H6PD: variants seen among roughly 807,000 people sequenced by gnomAD.
H6PD encodes hexose-6-phosphate dehydrogenase/glucose 1-dehydrogenase.
In H6PD, 48 loss-of-function variants were observed where a neutral mutation model predicts 61.2. The ratio of observed to expected loss-of-function variants is 0.78; its 90% confidence interval spans 0.62 to 1.00. H6PD has a LOEUF of 1.00. H6PD is among the 50% of genes least tolerant of loss of function. The pLI, the probability that H6PD is intolerant of heterozygous loss-of-function variation, is 0.00. For synonymous variants in H6PD, 480 were observed against 457.9 expected (o/e 1.05, Z -0.62); for missense variants, 1,093 against 1,065.0 (o/e 1.03, Z -0.37).
Position 9,264,255 on chromosome 1 carries a change from G to C in H6PD, c.1762G>C (p.Ala588Pro), listed in dbSNP as rs1638464843. ...GCGGCGCTTTGGCCAGTTCCACCTG[G>C]CACTGTCGGGGGGCTCGAGCCCCGT... Reference protein sequence around the residue: ...AVRRFGQFHLALSGGSSPVAL... With the variant: ...AVRRFGQFHLPLSGGSSPVAL... Residue 588 changes from alanine (A) to proline (P), a missense_variant, in exon 5 of 5, where the codon GCA (alanine) becomes CCA (proline). Physicochemically the swap from Ala to Pro is conservative, Grantham distance 27. Transcript: ENST00000377403. 2 of 1,609,682 alleles carry C rather than the reference G, an allele frequency of 1.2e-6. No individual in the cohort carries two copies. Among genetic ancestry groups the C allele is most frequent in the Non-Finnish European group, 1.7e-6 (2 of 1,179,162 alleles).
intron 3 of H6PD, among the ~76,000 whole-genome samples, chr1:9,249,687 G>T (rs732950): frequency 0.46 from 70,200 of 152,100 alleles, 17,031 homozygotes; most frequent in African/African-American, 0.62. Flanking sequence ...GAGGCTTGCA[G>T]CCTGTCGCGG....
In H6PD at chr1:9,266,945, C is replaced by T. The variant is rs989492185; in HGVS notation, c.*2076C>T. ...AGGCAATTCTCGTGCCTAAGCCTCC[C>T]GAGTAGCTGCGACTACAGGCGCCGG... On this transcript the variant is annotated 3_prime_UTR_variant, in exon 5 of 5. Coordinates refer to ENST00000377403, the MANE Select transcript of H6PD (RefSeq NM_004285.4). The T allele has an allele frequency of 3.9e-5, 6 of 152,226 alleles. No homozygotes were observed. The highest frequency in any genetic ancestry group is 7.2e-5 in the African/African-American group (3 of 41,424). The allele number at this position is 152,226 out of a possible 1,614,324, so 9.4% of individuals were successfully genotyped here.
intron 3 of H6PD, among the ~76,000 whole-genome samples, chr1:9,249,470 G>A (rs1026765060): frequency 6.6e-6 from 1 of 152,214 alleles, no homozygotes; most frequent in Non-Finnish European, 1.5e-5. Flanking sequence ...CAAGGTCCAG[G>A]AGGGAGAGGC....
At chr1:9,243,479 C>T (rs1228201225) in intron 1 of H6PD, among the ~76,000 whole-genome samples, 1 of 152,178 alleles carries the variant, frequency 6.6e-6, no homozygotes, top group African/African-American at 2.4e-5. Flanking sequence ...CCATTTCCAC[C>T]GTGGATTTCT....
At position 9,234,777 on chromosome 1, in the gene H6PD, C is replaced by T. The variant is rs1229151240; in HGVS notation, c.-300C>T. On this transcript the variant is annotated 5_prime_UTR_variant, in exon 1 of 5. Coordinates refer to ENST00000377403, the MANE Select transcript of H6PD (RefSeq NM_004285.4). ...GCGCGCCCCCGGCCCGGGCCCCAGTCTTGCTGAGCGCAAGGCGGTGGAGGC... is the reference window on the plus strand; with the variant it reads ...GCGCGCCCCCGGCCCGGGCCCCAGTTTTGCTGAGCGCAAGGCGGTGGAGGC... The T allele has an allele frequency of 2.1e-5, 3 of 145,812 alleles. No individual in the cohort carries two copies. The highest frequency in any genetic ancestry group is 2.0e-4 in the East Asian group (1 of 4,976). 9.0% of individuals were successfully genotyped at this position (145,812 alleles called of 1,614,324 possible).
In H6PD at chr1:9,268,199, A is replaced by G. The variant is rs1460398477; in HGVS notation, c.*3330A>G. 1 of 145,634 alleles carries G rather than the reference A, an allele frequency of 6.9e-6. No homozygotes were observed. The highest frequency in any genetic ancestry group is 2.5e-5 in the African/African-American group (1 of 39,360). 9.0% of individuals were successfully genotyped at this position (145,634 alleles called of 1,614,324 possible). A position where few individuals can be genotyped will look rare whatever the true frequency, so the allele number is the denominator to read the frequency against. On this transcript the variant is annotated 3_prime_UTR_variant, in exon 5 of 5. Transcript: ENST00000377403. The stretch of plus-strand genomic sequence containing the variant: ...GGCTGCAGTAAGGTGTGATTGCACT[A>G]TTGCTCTCTAGCCTGGAAAACAGAG...
At chr1:9,238,364 A>G (rs1640906759) in intron 1 of H6PD, among the ~76,000 whole-genome samples, 1 of 152,228 alleles carries the variant, frequency 6.6e-6, no homozygotes, top group Non-Finnish European at 1.5e-5. Flanking sequence ...GGAGCTATAA[A>G]AAGGTCACTC....
rs2100417640 is a variant in H6PD, at chr1:9,267,152, C to T, written c.*2283C>T. On this transcript the variant is annotated 3_prime_UTR_variant, in exon 5 of 5. Transcript: ENST00000377403. Reference sequence around the variant, plus strand: ...CTGTTTTTACACCCAGAGAGCGCCCCTCGTTAGGACAGAACCACGGTGCCC... The same window carrying T: ...CTGTTTTTACACCCAGAGAGCGCCCTTCGTTAGGACAGAACCACGGTGCCC... 6.6e-6 allele frequency: 1 copy of T among 152,440 alleles called. No individual in the cohort carries two copies. The highest frequency in any genetic ancestry group is 2.4e-5 in the African/African-American group (1 of 41,570). 9.4% of individuals were successfully genotyped at this position (152,440 alleles called of 1,614,324 possible).
In H6PD at chr1:9,266,358, C is replaced by A. The variant is rs540219726; in HGVS notation, c.*1489C>A. 1 of 152,416 alleles carries A rather than the reference C, an allele frequency of 6.6e-6. No individual in the cohort carries two copies. The highest frequency in any genetic ancestry group is 2.1e-4 in the South Asian group (1 of 4,830). 9.4% of individuals were successfully genotyped at this position (152,416 alleles called of 1,614,324 possible). Reference sequence around the variant, plus strand: ...TGAGACTGGGGAAGTAAGCGGGTATCTTCTCAGTGAGCATAGGTTGGGGAC... The same window carrying A: ...TGAGACTGGGGAAGTAAGCGGGTATATTCTCAGTGAGCATAGGTTGGGGAC... On this transcript the variant is annotated 3_prime_UTR_variant, in exon 5 of 5. Transcript: ENST00000377403.
At chr1:9,243,109 A>G (rs1641048480) in intron 1 of H6PD, 1 of 331,124 alleles carries the variant, frequency 3.0e-6, no homozygotes, top group Non-Finnish European at 4.3e-6. Flanking sequence ...TGGCTCAGAC[A>G]CTGTGGTTGG....
intron 1 of H6PD, among the ~76,000 whole-genome samples, chr1:9,242,420 CAG>C (rs1312747788): frequency 3.3e-5 from 5 of 152,090 alleles, no homozygotes; most frequent in African/African-American, 4.8e-5. Flanking sequence ...TTTGCAACCA[CAG>C]AGTAAGCAAT....
intron 3 of H6PD, among the ~76,000 whole-genome samples, chr1:9,255,706 A>G (rs1641496493): frequency 6.6e-6 from 1 of 152,194 alleles, no homozygotes; most frequent in Admixed American, 6.5e-5. Context: ...CCCTGGGCCC[A>G]CACTCCTGTG....
At position 9,264,220 on chromosome 1, in the gene H6PD, T is replaced by C. The variant is rs1557752235; in HGVS notation, c.1727T>C (p.Val576Ala). The change falls in exon 5 of 5, where the codon GTG becomes GCG. Residue 576 changes from valine (V) to alanine (A), a missense_variant. Coordinates refer to ENST00000377403, the MANE Select transcript of H6PD (RefSeq NM_004285.4). Reference sequence around the variant, plus strand: ...GCTAATGACATCGAGGCCACCGCTGTGCGAGCCGTGCGGCGCTTTGGCCAG... The same window carrying C: ...GCTAATGACATCGAGGCCACCGCTGCGCGAGCCGTGCGGCGCTTTGGCCAG... ...KLANDIEATA[V>A]RAVRRFGQFH... 6.2e-7 allele frequency: 1 copy of C among 1,610,302 alleles called. No homozygotes were observed. Among genetic ancestry groups the C allele is most frequent in the Non-Finnish European group, 8.5e-7 (1 of 1,178,858 alleles).
chr1:9,255,939 GA>G (rs746429180), intron 3 of H6PD, among the ~76,000 whole-genome samples: 11 of 152,234 alleles, frequency 7.2e-5, no homozygotes, highest in Admixed American at 2.0e-4. Flanking sequence ...TTGTAGGGTT[GA>G]AGAGTGGGTA....
At chr1:9,253,884 A>G (rs1168315165) in intron 3 of H6PD, among the ~76,000 whole-genome samples, 1 of 152,220 alleles carries the variant, frequency 6.6e-6, no homozygotes, top group Non-Finnish European at 1.5e-5. Context: ...AAAAATTCCA[A>G]CCAGTCTTTA....
chr1:9,248,093 G>A (rs1029312768), intron 3 of H6PD, among the ~76,000 whole-genome samples: 5 of 152,312 alleles, frequency 3.3e-5, no homozygotes, highest in East Asian at 1.9e-4. Context: ...GCGCCGCTGC[G>A]CTGTGCTGCC....
chr1:9,245,613 G>T lies in H6PD; in HGVS notation c.627+52G>T. On this transcript the variant is annotated intron_variant, in intron 2 of 4. Transcript: ENST00000377403. The surrounding 1 kb of genome is among the most constrained non-coding windows in gnomAD (Gnocchi z 4.8). Reference sequence around the variant, plus strand: ...GGCTAGGGTGAGCTGGGCGCTGGTAGACCCCAGCAACAAAGCCGCTCGCTC... The same window carrying T: ...GGCTAGGGTGAGCTGGGCGCTGGTATACCCCAGCAACAAAGCCGCTCGCTC... The T allele has an allele frequency of 6.3e-7, 1 of 1,579,516 alleles. No individual in the cohort carries two copies. Among genetic ancestry groups the T allele is most frequent in the South Asian group, 1.1e-5 (1 of 90,144 alleles).
At chr1:9,261,364 G>A (rs1444506509) in intron 3 of H6PD, among the ~76,000 whole-genome samples, 1 of 151,842 alleles carries the variant, frequency 6.6e-6, no homozygotes, top group African/African-American at 2.4e-5. Context: ...CGGGGCTTTG[G>A]CACCTGAGGG....
chr1:9,256,779 A>G (rs1641533492), intron 3 of H6PD, among the ~76,000 whole-genome samples: 1 of 152,214 alleles, frequency 6.6e-6, no homozygotes, highest in Admixed American at 6.5e-5. Context: ...GTTTTTAAAA[A>G]AGAATTTGAT....
Sources: allele counts gnomAD v4.1 joint callset (sites outside exome capture counted in the v4.1 genomes callset), GRCh38; gene constraint gnomAD v4.1.1; non-coding constraint Gnocchi (gnomAD v3.1); transcripts MANE v1.5; gene names NCBI Gene and HGNC (gene_info 2026-07-23, HGNC 2026-07-21).